Variants in CPA6 observed in about 807,000 individuals in gnomAD.
CPA6 encodes the protein carboxypeptidase B.
CPA6 carries 58 observed loss-of-function variants against 63.3 expected under a neutral mutation model. The observed-to-expected ratio is 0.92, with a 90% CI of 0.74 to 1.14. CPA6 has a LOEUF of 1.14. Among genes scored for constraint, CPA6 ranks in the 50% most tolerant of loss-of-function variants. The probability of loss-of-function intolerance (pLI) is 0.00; values close to 1 mark genes in which losing one functional copy is unlikely to be tolerated. For synonymous variants in CPA6, 185 were observed against 179.0 expected (o/e 1.03, Z -0.27); for missense variants, 565 against 526.6 (o/e 1.07, Z -0.71).
intron 2 of CPA6, among the ~76,000 whole-genome samples, chr8:67,622,614 T>C (rs1317406787): frequency 6.6e-6 from 1 of 152,160 alleles, no homozygotes; most frequent in East Asian, 1.9e-4. Flanking sequence ...AGACATCATT[T>C]GCAAATAAAT....
chr8:67,745,842 T>C (rs1162661819), intron 1 of CPA6, among the ~76,000 whole-genome samples, 172 bp downstream of exon 1: 1 of 152,122 alleles, frequency 6.6e-6, no homozygotes, highest in Admixed American at 6.5e-5. Flanking sequence ...ATTCTCTCAG[T>C]GAGCTAAAGC....
chr8:67,422,700 TAAAAC>T lies in CPA6; in HGVS notation c.1127-14_1127-10del. 6.3e-7 allele frequency: 1 copy of T among 1,576,846 alleles called. No individual in the cohort carries two copies. The highest frequency in any genetic ancestry group is 8.6e-7 in the Non-Finnish European group (1 of 1,166,598). ...GCTACCAGAGCTCACATCTAAAAGT[TAAAAC>T]AAAAAAAAAAAGATCAGCCTCACTA... On this transcript the variant is annotated splice_polypyrimidine_tract_variant and intron_variant, in intron 10 of 10. Transcript: ENST00000297770.
intron 8 of CPA6, among the ~76,000 whole-genome samples, chr8:67,475,810 TTTCTTTCC>T (rs1811177377): frequency 1.4e-5 from 1 of 73,726 alleles, no homozygotes; most frequent in Non-Finnish European, 2.5e-5. Context: ...TCTTTCTTTC[TTTCTTTCC>T]TTTCTTTTCT....
intron 8 of CPA6, among the ~76,000 whole-genome samples, chr8:67,453,708 G>C (rs537686557): frequency 1.3e-5 from 2 of 151,862 alleles, no homozygotes; most frequent in Non-Finnish European, 1.5e-5. Context: ...ACACCCTGAG[G>C]CTGGGTTAGG....
intron 6 of CPA6, among the ~76,000 whole-genome samples, chr8:67,485,405 T>C (rs952701382): frequency 6.6e-6 from 1 of 152,234 alleles, no homozygotes; most frequent in South Asian, 2.1e-4. Flanking sequence ...TTTCCATGCA[T>C]GATTGTATGT....
chr8:67,680,776 T>C (rs1816574256), intron 1 of CPA6, among the ~76,000 whole-genome samples: 3 of 152,216 alleles, frequency 2.0e-5, no homozygotes, highest in African/African-American at 7.2e-5. Flanking sequence ...TTAGCAATCA[T>C]AGATGACCTC....
intron 1 of CPA6, among the ~76,000 whole-genome samples, chr8:67,713,637 C>T (rs1359046928): frequency 2.6e-5 from 4 of 152,110 alleles, no homozygotes; most frequent in South Asian, 2.1e-4. Context: ...AGTTTATAGG[C>T]GGCCTGGGAA....
At chr8:67,530,435 G>A (rs1324471413) in intron 2 of CPA6, among the ~76,000 whole-genome samples, 1 of 152,148 alleles carries the variant, frequency 6.6e-6, no homozygotes, top group Non-Finnish European at 1.5e-5. Context: ...AGATTTCAGA[G>A]GAGTAACGAC....
At chr8:67,640,346 T>C (rs925272639) in intron 1 of CPA6, among the ~76,000 whole-genome samples, 3 of 151,318 alleles carry the variant, frequency 2.0e-5, no homozygotes, top group African/African-American at 7.4e-5. Flanking sequence ...TTGGCCTCCC[T>C]CCAGTGCTTG....
In CPA6 at chr8:67,476,098, G is replaced by A. The variant is rs1811231072; in HGVS notation, c.838+7670C>T. The stretch of plus-strand genomic sequence containing the variant: ...GGTGCGATCTTGGCTCACGGCAACC[G>A]TTCAAGCCATTCCTGTGCCTCAGCC... On this transcript the variant is annotated intron_variant, in intron 8 of 10. Coordinates refer to ENST00000297770, the MANE Select transcript of CPA6 (RefSeq NM_020361.5). Among the ~76,000 whole-genome samples the A allele has an allele frequency of 1.3e-5, 2 of 150,858 alleles. 1 individual carries two copies. The highest frequency in any genetic ancestry group is 2.9e-5 in the Non-Finnish European group (2 of 67,800).
chr8:67,507,300 A>C (rs1451008876), intron 5 of CPA6, among the ~76,000 whole-genome samples: 1 of 152,180 alleles, frequency 6.6e-6, no homozygotes, highest in South Asian at 2.1e-4. Context: ...TGTTAAGTAA[A>C]AAGCTAAGTC....
At chr8:67,425,049 C>T (rs966055309) in intron 10 of CPA6, among the ~76,000 whole-genome samples, 2 of 152,184 alleles carry the variant, frequency 1.3e-5, no homozygotes. Flanking sequence ...ACAGTACCTG[C>T]ATAACATAGG....
At position 67,651,352 on chromosome 8, in the gene CPA6, G is replaced by C. The variant is rs375346533; in HGVS notation, c.117-27101C>G. 2.6e-5 allele frequency among the ~76,000 whole-genome samples: 4 copies of C among 152,284 alleles called. No homozygotes were observed. In the East Asian group the frequency reaches 7.7e-4, roughly 29 times the overall value. On this transcript the variant is annotated intron_variant, in intron 1 of 10. Coordinates refer to ENST00000297770, the MANE Select transcript of CPA6 (RefSeq NM_020361.5). ...TTTTTGAGTAGAAATGGCTTTATTT[G>C]TATTATGCAGCATGGAATTGCCTAA... is the stretch of plus-strand genomic sequence containing the variant.
chr8:67,472,968 T>C (rs967455204), intron 8 of CPA6, among the ~76,000 whole-genome samples: 1 of 152,202 alleles, frequency 6.6e-6, no homozygotes, highest in Non-Finnish European at 1.5e-5. Flanking sequence ...AAAGTCATTT[T>C]AAAAAGCTTC....
chr8:67,584,380 A>T (rs1055887984), intron 2 of CPA6, among the ~76,000 whole-genome samples: 1 of 152,072 alleles, frequency 6.6e-6, no homozygotes, highest in Non-Finnish European at 1.5e-5. Flanking sequence ...TGGATGATGG[A>T]CCCTAAACAT....
At position 67,522,761 on chromosome 8, in the gene CPA6, G is replaced by A. The variant is rs570516797; in HGVS notation, c.193-4714C>T. Among the ~76,000 whole-genome samples the A allele has an allele frequency of 3.7e-3, 561 of 152,324 alleles. 1 individual carries two copies. The highest frequency in any genetic ancestry group is 5.9e-3 in the Non-Finnish European group (404 of 68,028). ...GCATTCCTCTCATCCAGATGCTGGC[G>A]CCCAAGGTGGAAGCCAGTTGCAGCA... On this transcript the variant is annotated intron_variant, in intron 2 of 10. Coordinates refer to ENST00000297770, the MANE Select transcript of CPA6 (RefSeq NM_020361.5).
intron 8 of CPA6, among the ~76,000 whole-genome samples, chr8:67,472,016 A>G (rs1241575877): frequency 2.6e-5 from 4 of 152,232 alleles, no homozygotes; most frequent in African/African-American, 4.8e-5. Flanking sequence ...GAGGAAAATT[A>G]TCAGAGAGAT....
Position 67,553,732 on chromosome 8 carries a change from A to G in CPA6, c.193-35685T>C, listed in dbSNP as rs146003834. Among the ~76,000 whole-genome samples, 694 of 152,366 alleles carry G rather than the reference A, an allele frequency of 4.6e-3. 4 individuals carry two copies. Among genetic ancestry groups the G allele is most frequent in the African/African-American group, 0.016 (648 of 41,580 alleles). ...TTTCTCATCTTGTAGCTGAAATAAA[A>G]TGTGGCATTTTAGTATCAAATGAGA... is the stretch of plus-strand genomic sequence containing the variant. On this transcript the variant is annotated intron_variant, in intron 2 of 10. Transcript: ENST00000297770.
At chr8:67,460,095 T>C (rs1810767358) in intron 8 of CPA6, among the ~76,000 whole-genome samples, 1 of 152,226 alleles carries the variant, frequency 6.6e-6, no homozygotes, top group Non-Finnish European at 1.5e-5. Flanking sequence ...GTGACCTGGG[T>C]GCCTCTATTT....
Sources: gnomAD v4.1 joint callset for allele counts (sites outside exome capture counted in the v4.1 genomes callset) on GRCh38, gnomAD v4.1.1 for gene constraint, MANE v1.5 for transcripts, NCBI Gene and HGNC (gene_info 2026-07-23, HGNC 2026-07-21) for gene names.